DMD: variants seen among roughly 807,000 people sequenced by gnomAD.
The protein encoded by DMD is mutant dystrophin.
A neutral mutation model predicts 330.1 loss-of-function variants in DMD; 63 were observed. The ratio of observed to expected loss-of-function variants is 0.19; its 90% CI spans 0.16 to 0.24. The LOEUF (loss-of-function observed/expected upper bound fraction) is 0.24. Among genes scored for constraint, DMD ranks in the 10% least tolerant of loss-of-function variants. The probability of loss-of-function intolerance (pLI) is 1.00; values close to 1 mark genes in which losing one functional copy is unlikely to be tolerated. For missense variants in DMD, 3,344 were observed against 2,684.1 expected (o/e 1.25, Z -5.43); for synonymous variants, 1,223 against 959.8 (o/e 1.27, Z -5.07).
intron 1 of DMD, among the ~76,000 whole-genome samples, chrX:33,259,411 C>T (rs1383641443): frequency 9.1e-6 from 1 of 110,113 alleles, no homozygotes; most frequent in Non-Finnish European, 1.9e-5. Flanking sequence ...GATGTGTCCA[C>T]CACTATAGAA....
At chrX:32,581,896 A>G (rs1272200743) in intron 13 of DMD, among the ~76,000 whole-genome samples, 5 of 112,152 alleles carry the variant, frequency 4.5e-5, no homozygotes, top group African/African-American at 1.6e-4. Context: ...CTTTTTTAGC[A>G]TTAGAAAACT....
intron 17 of DMD, among the ~76,000 whole-genome samples, chrX:32,526,160 G>A (rs2046914695): frequency 9.0e-6 from 1 of 111,505 alleles, no homozygotes. Flanking sequence ...TCCCTTAAAT[G>A]CAGTCTAACT....
chrX:31,461,639 G>A (rs1249524029), intron 59 of DMD, among the ~76,000 whole-genome samples: 1 of 111,302 alleles, frequency 9.0e-6, no homozygotes, highest in Non-Finnish European at 1.9e-5. Context: ...CACTAATTCT[G>A]ATGAACAGCT....
chrX:32,138,248 T>C (rs2096736564), intron 44 of DMD, among the ~76,000 whole-genome samples: 1 of 111,069 alleles, frequency 9.0e-6, no homozygotes, highest in Non-Finnish European at 1.9e-5. Flanking sequence ...TATTTTTTCT[T>C]TTTTTCAAAT....
intron 41 of DMD, among the ~76,000 whole-genome samples, chrX:32,338,603 C>T (rs764396864): frequency 9.0e-6 from 1 of 111,462 alleles, no homozygotes; most frequent in Non-Finnish European, 1.9e-5. Flanking sequence ...GGTATACATT[C>T]TCCTTTTAAC....
At position 32,970,368 on chromosome X, in the gene DMD, C is replaced by T. The variant is rs1233372511; in HGVS notation, c.93+49771G>A. ...ATAAATGCTTGAGGGGTGTATATCC[C>T]ATTCTCCATGATGTGATTATTTCAC... On this transcript the variant is annotated intron_variant, in intron 2 of 78. Coordinates refer to ENST00000357033, the MANE Select transcript of DMD (RefSeq NM_004006.3). 2.1e-5 allele frequency among the ~76,000 whole-genome samples: 2 copies of T among 94,276 alleles called. 1 individual carries two copies. 81.9% of individuals were successfully genotyped at this position (94,276 alleles called of 115,157 possible).
intron 60 of DMD, among the ~76,000 whole-genome samples, chrX:31,426,368 T>C (rs950788406): frequency 1.8e-5 from 2 of 111,875 alleles, no homozygotes; most frequent in Non-Finnish European, 3.8e-5. Flanking sequence ...CCTCTGAAAG[T>C]ATTCTAACTG....
intron 2 of DMD, among the ~76,000 whole-genome samples, chrX:32,985,258 T>A (rs930120992): frequency 8.9e-6 from 1 of 112,148 alleles, no homozygotes; most frequent in African/African-American, 3.2e-5. Flanking sequence ...TTAATTTAGA[T>A]AATTTTAGGA....
intron 74 of DMD, among the ~76,000 whole-genome samples, chrX:31,168,552 C>T (rs1374339791): frequency 9.0e-6 from 1 of 111,612 alleles, no homozygotes; most frequent in Non-Finnish European, 1.9e-5. Flanking sequence ...CTCCCGAGGG[C>T]ACTGATCTCA....
intron 44 of DMD, among the ~76,000 whole-genome samples, chrX:32,180,966 A>G (rs755567797): frequency 1.7e-4 from 19 of 111,664 alleles, no homozygotes; most frequent in Non-Finnish European, 3.6e-4. Flanking sequence ...GCCAAACCAT[A>G]GGATCCATCA....
At chrX:32,654,988 G>A (rs1032392830) in intron 9 of DMD, among the ~76,000 whole-genome samples, 3 of 111,346 alleles carry the variant, frequency 2.7e-5, no homozygotes, top group South Asian at 3.8e-4. Flanking sequence ...TGGGATCGGT[G>A]GTGATATCCC....
intron 55 of DMD, among the ~76,000 whole-genome samples, chrX:31,511,748 G>T (rs1367281380): frequency 9.3e-6 from 1 of 107,385 alleles, no homozygotes; most frequent in Non-Finnish European, 1.9e-5. Context: ...GGACATTTGG[G>T]TTGGTTCCAA....
In DMD at chrX:32,816,564, C is replaced by T. The variant is rs398123952; in HGVS notation, c.434G>A (p.Arg145Gln). 6.0e-5 allele frequency: 73 copies of T among 1,209,540 alleles called. No individual in the cohort carries two copies. Among genetic ancestry groups the T allele is most frequent in the Non-Finnish European group, 7.5e-5 (67 of 894,873 alleles). The change falls in exon 6 of 79, where the codon CGA becomes CAA. Residue 145 changes from arginine to glutamine, a missense_variant. Transcript: ENST00000357033. Reference sequence around the variant, plus strand: ...CTGTGGATAATTACGAGTTGATTGTCGGACCCAGCTCAGGAGAATCTTTTC... The same window carrying T: ...CTGTGGATAATTACGAGTTGATTGTTGGACCCAGCTCAGGAGAATCTTTTC... ...NSEKILLSWVRQSTRNYPQVN... is the reference protein window; with the variant it reads ...NSEKILLSWVQQSTRNYPQVN...
intron 44 of DMD, among the ~76,000 whole-genome samples, chrX:32,092,724 C>CTTT (rs11315047): frequency 0.021 from 845 of 39,624 alleles, 64 homozygotes; most frequent in African/African-American, 0.028. Flanking sequence ...GTTATTTTCA[C>CTTT]TTTTTTTTTT....
At chrX:32,349,306 TA>T in intron 37 of DMD, among the ~76,000 whole-genome samples, 1 of 111,444 alleles carries the variant, frequency 9.0e-6, no homozygotes. Flanking sequence ...GTTTAGTTAT[TA>T]GATTAAAATT....
chrX:32,410,178 A>G (rs1236717788), intron 30 of DMD, among the ~76,000 whole-genome samples: 1 of 110,929 alleles, frequency 9.0e-6, no homozygotes, highest in African/African-American at 3.3e-5. Flanking sequence ...TTAAAAATTG[A>G]ATCCTCAAGT....
At chrX:31,575,688 C>T (rs891193461) in intron 55 of DMD, among the ~76,000 whole-genome samples, 5 of 112,120 alleles carry the variant, frequency 4.5e-5, no homozygotes, top group South Asian at 3.6e-4. Context: ...TTGGACACAA[C>T]GCCTTTTATA....
intron 43 of DMD, among the ~76,000 whole-genome samples, chrX:32,233,132 A>G (rs574691337): frequency 8.9e-6 from 1 of 112,227 alleles, no homozygotes; most frequent in Admixed American, 9.5e-5. Context: ...TACTATCTCT[A>G]TCAATGGGCA....
At chrX:31,510,865 A>T (rs1427491443) in intron 55 of DMD, among the ~76,000 whole-genome samples, 4 of 111,175 alleles carry the variant, frequency 3.6e-5, no homozygotes, top group Non-Finnish European at 7.5e-5. Flanking sequence ...ACCTGTGAGC[A>T]AAAAATGTTC....
Sources: allele counts gnomAD v4.1 joint callset (sites outside exome capture counted in the v4.1 genomes callset), GRCh38; gene constraint gnomAD v4.1.1; transcripts MANE v1.5; gene names NCBI Gene and HGNC (gene_info 2026-07-23, HGNC 2026-07-21).